CNTRL: variants seen among roughly 807,000 people sequenced by gnomAD.
The protein encoded by CNTRL is centriolin, also known as 110 kDa centrosomal protein.
Under a neutral mutation model 303.7 loss-of-function variants are expected in CNTRL, and 233 were observed. The observed-to-expected ratio is 0.77, with a 90% confidence interval of 0.69 to 0.86. The LOEUF (loss-of-function observed/expected upper bound fraction) is 0.86. Among genes scored for constraint, CNTRL ranks in the 40% least tolerant of loss-of-function variants. The pLI is 0.00. For missense variants in CNTRL, 2,524 were observed against 2,650.6 expected (o/e 0.95, Z 1.05); for synonymous variants, 900 against 922.2 (o/e 0.98, Z 0.44).
At chr9:121,124,718 A>G (rs1356712597) in intron 13 of CNTRL, among the ~76,000 whole-genome samples, 1 of 148,822 alleles carries the variant, frequency 6.7e-6, no homozygotes, top group East Asian at 2.0e-4. Flanking sequence ...CGGGCATATC[A>G]TTTGAGCCCA....
intron 14 of CNTRL, among the ~76,000 whole-genome samples, chr9:121,126,349 T>C (rs1327341127): frequency 6.6e-6 from 1 of 152,218 alleles, no homozygotes; most frequent in Non-Finnish European, 1.5e-5. Flanking sequence ...AACAGACATA[T>C]TGTTTTAAAT....
Position 121,117,497 on chromosome 9 carries a change from A to G in CNTRL, c.1456-849A>G, listed in dbSNP as rs140895505. 2.2e-3 allele frequency among the ~76,000 whole-genome samples: 335 copies of G among 152,330 alleles called. 2 individuals are homozygous for G. Among genetic ancestry groups the G allele is most frequent in the African/African-American group, 7.1e-3 (296 of 41,570 alleles). On this transcript the variant is annotated intron_variant, in intron 11 of 43. Coordinates refer to ENST00000373855, the MANE Select transcript of CNTRL (RefSeq NM_007018.6). The stretch of plus-strand genomic sequence containing the variant: ...CAATTTATTGGTTGACTATCTTCAT[A>G]TTAAAACTAATTAGGTAACTGTAGC...
At chr9:121,092,911 A>G (rs1485479027) in intron 4 of CNTRL, among the ~76,000 whole-genome samples, 2 of 143,272 alleles carry the variant, frequency 1.4e-5, no homozygotes, top group African/African-American at 5.3e-5. Context: ...GGTTCAAGGG[A>G]TTTTCCTGCC....
At position 121,142,177 on chromosome 9, in the gene CNTRL, G is replaced by C. The variant is rs1356569714; in HGVS notation, c.2778G>C (p.Met926Ile). ...IHYLQENLKS[M>I]EEIQGLTDLQ... ...ATTTGCAAGAAAATCTAAAAAGTAT[G>C]GAGGAAATCCAAGGCCTTACAGATC... Residue 926 changes from methionine (M) to isoleucine (I), a missense_variant, in exon 19 of 44, where the codon ATG becomes ATC. Coordinates refer to ENST00000373855, the MANE Select transcript of CNTRL (RefSeq NM_007018.6). The C allele has an allele frequency of 8.1e-6, 13 of 1,613,036 alleles. No individual in the cohort carries two copies. The highest frequency in any genetic ancestry group is 2.7e-5 in the African/African-American group (2 of 74,886).
At position 121,157,963 on chromosome 9, in the gene CNTRL, G is replaced by T. The variant is rs1233266935; in HGVS notation, c.4638-20G>T. ...TCCGAGTCCCTTAGGATCTGCTCTA[G>T]TGTTGCTGGTGCTTTGTAGGCTTCA... On this transcript the variant is annotated intron_variant, in intron 29 of 43. Coordinates refer to ENST00000373855, the MANE Select transcript of CNTRL (RefSeq NM_007018.6). 1.9e-6 allele frequency: 3 copies of T among 1,614,014 alleles called. No homozygotes were observed. In the African/African-American group the frequency reaches 4.0e-5, roughly 22 times the overall value.
At chr9:121,108,390 G>A (rs889698420) in intron 8 of CNTRL, among the ~76,000 whole-genome samples, 2 of 152,050 alleles carry the variant, frequency 1.3e-5, no homozygotes, top group Admixed American at 1.3e-4. Flanking sequence ...CCTGGTGCAC[G>A]TTACTCAGCC....
In CNTRL at chr9:121,088,413, T is replaced by C; in HGVS notation, c.87T>C (p.Asn29=). The C allele has an allele frequency of 6.2e-7, 1 of 1,612,118 alleles. No homozygotes were observed. Among genetic ancestry groups the C allele is most frequent in the Non-Finnish European group, 8.5e-7 (1 of 1,178,186 alleles). Reference sequence around the variant, plus strand: ...CTCCTATCCCATCATCTATGTCCAATATGAGATCTAGGTCACTTTCACCTT... The same window carrying C: ...CTCCTATCCCATCATCTATGTCCAACATGAGATCTAGGTCACTTTCACCTT... ...SHSPIPSSMS[N]MRSRSLSPLI... Residue 29 remains asparagine (N), a synonymous_variant, in exon 3 of 44, where the codon AAT becomes AAC. Coordinates refer to ENST00000373855, the MANE Select transcript of CNTRL (RefSeq NM_007018.6).
In CNTRL at chr9:121,090,420, A is replaced by G. The variant is rs775735949; in HGVS notation, c.348+15A>G. 35 of 1,605,586 alleles carry G rather than the reference A, an allele frequency of 2.2e-5. No individual in the cohort carries two copies. Among genetic ancestry groups the G allele is most frequent in the Non-Finnish European group, 2.8e-5 (33 of 1,177,284 alleles). On this transcript the variant is annotated intron_variant, in intron 4 of 43. Coordinates refer to ENST00000373855, the MANE Select transcript of CNTRL (RefSeq NM_007018.6). Reference sequence around the variant, plus strand: ...AGAAATTTAAGGTAGGTTACCAACAATTTCTGAGCATAGATACTGTTTTTA... The same window carrying G: ...AGAAATTTAAGGTAGGTTACCAACAGTTTCTGAGCATAGATACTGTTTTTA...
intron 42 of CNTRL, 152 bp downstream of exon 42, chr9:121,173,889 T>A (rs2053416922): frequency 1.3e-6 from 1 of 741,222 alleles, no homozygotes. Flanking sequence ...CTTCGAGGAG[T>A]TGGTGTCACA....
At chr9:121,133,130 C>G (rs2050968358) in intron 14 of CNTRL, among the ~76,000 whole-genome samples, 1 of 152,260 alleles carries the variant, frequency 6.6e-6, no homozygotes, top group African/African-American at 2.4e-5. Flanking sequence ...TGTCCGTTCT[C>G]TGAGCTCAAA....
At chr9:121,130,625 A>G (rs561862903) in intron 14 of CNTRL, among the ~76,000 whole-genome samples, 56 of 152,014 alleles carry the variant, frequency 3.7e-4, no homozygotes, top group Admixed American at 3.5e-3. Flanking sequence ...TTGTGTCTCT[A>G]TCCCCTTTAG....
Position 121,154,741 on chromosome 9 carries a change from TTG to T in CNTRL, c.4194_4195del (p.Leu1401TyrfsTer3). On this transcript the variant is annotated frameshift_variant, in exon 27 of 44. Transcript: ENST00000373855. LOFTEE classifies it high-confidence loss of function. Reference sequence around the variant, plus strand: ...TTTAGGGACTTCATTGATGGAAATGTTGAGAGTCTTATGACTGAACTAGAAAT... The same window carrying T: ...TTTAGGGACTTCATTGATGGAAATGTAGAGTCTTATGACTGAACTAGAAAT... 6 of 1,603,988 alleles carry T rather than the reference TTG, an allele frequency of 3.7e-6. No homozygotes were observed. Among genetic ancestry groups the T allele is most frequent in the Non-Finnish European group, 5.1e-6 (6 of 1,171,374 alleles).
At position 121,100,016 on chromosome 9, in the gene CNTRL, C is replaced by T. The variant is rs536693918; in HGVS notation, c.808+1444C>T. Reference sequence around the variant, plus strand: ...TATTATCCAGGAGAACTTCCCCAACCTAGCAAGGCAGGCCAACATTCAAAT... The same window carrying T: ...TATTATCCAGGAGAACTTCCCCAACTTAGCAAGGCAGGCCAACATTCAAAT... On this transcript the variant is annotated intron_variant, in intron 7 of 43. Coordinates refer to ENST00000373855, the MANE Select transcript of CNTRL (RefSeq NM_007018.6). Among the ~76,000 whole-genome samples the T allele has an allele frequency of 8.6e-4, 131 of 152,276 alleles. 1 individual carries two copies. The highest frequency in any genetic ancestry group is 1.7e-3 in the Non-Finnish European group (114 of 68,012).
intron 23 of CNTRL, among the ~76,000 whole-genome samples, chr9:121,147,214 G>A (rs2051920922): frequency 6.6e-6 from 1 of 152,196 alleles, no homozygotes; most frequent in Non-Finnish European, 1.5e-5. Flanking sequence ...TGTTGGCCAG[G>A]CTGGTCTCAA....
intron 19 of CNTRL, among the ~76,000 whole-genome samples, chr9:121,143,439 C>T (rs1040846588): frequency 1.3e-5 from 2 of 152,090 alleles, no homozygotes; most frequent in Admixed American, 6.5e-5. Flanking sequence ...TGTAATCAGT[C>T]TCCCCTCCTG....
At chr9:121,163,045 G>A (rs1350182041) in intron 34 of CNTRL, among the ~76,000 whole-genome samples, 1 of 151,784 alleles carries the variant, frequency 6.6e-6, no homozygotes, top group Non-Finnish European at 1.5e-5. Context: ...ATATAAATAT[G>A]AATTTAAAAT....
rs773084163 is a variant in CNTRL, at chr9:121,095,006, A to T, written c.467A>T (p.Tyr156Phe). ...LLKLRELNLS[Y>F]NKISKIEGIE... is the part of the protein sequence containing the mutation. ...AAATTACGTGAACTCAACTTATCATATAACAAAATCAGGTGAGTTATATAA... is the reference window on the plus strand; with the variant it reads ...AAATTACGTGAACTCAACTTATCATTTAACAAAATCAGGTGAGTTATATAA... Residue 156 changes from tyrosine to phenylalanine, a missense_variant, in exon 5 of 44, where the codon TAT (tyrosine) becomes TTT (phenylalanine). Tyr to Phe is a conservative substitution (Grantham distance 22). Transcript: ENST00000373855. 1.2e-6 allele frequency: 2 copies of T among 1,601,528 alleles called. No individual in the cohort carries two copies. The highest frequency in any genetic ancestry group is 1.7e-5 in the Admixed American group (1 of 57,460).
At chr9:121,138,760 C>G (rs1056552085) in intron 16 of CNTRL, 81 bp downstream of exon 16, 133 of 1,447,928 alleles carry the variant, frequency 9.2e-5, no homozygotes, top group Non-Finnish European at 1.2e-4. Flanking sequence ...ACTTAGCAAC[C>G]TGCTCTAACA....
At chr9:121,121,986 TAAAAG>T (rs1184314888) in intron 12 of CNTRL, 3 of 929,912 alleles carry the variant, frequency 3.2e-6, no homozygotes, top group African/African-American at 1.8e-5. Context: ...ACAAAGGACT[TAAAAG>T]GAGGAGGAGT....
Sources: allele counts gnomAD v4.1 joint callset (sites outside exome capture counted in the v4.1 genomes callset), GRCh38; gene constraint gnomAD v4.1.1; transcripts MANE v1.5; gene names NCBI Gene and HGNC (gene_info 2026-07-23, HGNC 2026-07-21).